EFNA5: variants seen among roughly 807,000 people sequenced by gnomAD.
EFNA5 encodes the protein ephrin-A5.
In EFNA5, 5 loss-of-function variants were observed where a neutral mutation model predicts 22.9. The observed-to-expected ratio is 0.22, with a 90% CI of 0.11 to 0.46. EFNA5 has a LOEUF of 0.46. Ranked by LOEUF, EFNA5 falls within the 20% of genes least tolerant of loss-of-function variation. The pLI, the probability that EFNA5 is intolerant of heterozygous loss-of-function variation, is 0.99. For synonymous variants in EFNA5, 113 were observed against 112.2 expected, an observed-to-expected ratio of 1.01 and a Z score of -0.04; for missense variants, 237 against 293.3, an observed-to-expected ratio of 0.81 and a Z score of 1.40.
In EFNA5 at chr5:107,515,362, TTTATTATTATTA is replaced by T. The variant is rs70996961; in HGVS notation, c.126-87865_126-87854del. ...TCAAGACATGGTTTTTATTTTTTAT[TTTATTATTATTA>T]TTATTATTATTATTATTATTATTGA... On this transcript the variant is annotated intron_variant, in intron 1 of 4. Transcript: ENST00000333274. Among the ~76,000 whole-genome samples, 158 of 141,310 alleles carry T rather than the reference TTTATTATTATTA, an allele frequency of 1.1e-3. 1 individual carries two copies. Among genetic ancestry groups the T allele is most frequent in the African/African-American group, 3.2e-3 (121 of 38,144 alleles). 92.7% of individuals were successfully genotyped at this position (141,310 alleles called of 152,430 possible). A position where few individuals can be genotyped will look rare whatever the true frequency, so the allele number is the denominator to read the frequency against.
At chr5:107,461,292 G>A (rs997689546) in intron 1 of EFNA5, among the ~76,000 whole-genome samples, 2 of 152,162 alleles carry the variant, frequency 1.3e-5, no homozygotes, top group Non-Finnish European at 2.9e-5. Flanking sequence ...GTTTTCAGAT[G>A]AAGCAAGGAC....
chr5:107,539,552 G>A (rs1398108922), intron 1 of EFNA5, among the ~76,000 whole-genome samples: 3 of 152,140 alleles, frequency 2.0e-5, no homozygotes, highest in Admixed American at 1.3e-4. Context: ...TCTGCCTCCC[G>A]GGTTCTAGCA....
At chr5:107,545,045 A>G (rs1748118671) in intron 1 of EFNA5, among the ~76,000 whole-genome samples, 1 of 152,236 alleles carries the variant, frequency 6.6e-6, no homozygotes, top group African/African-American at 2.4e-5. Flanking sequence ...AACCGACAAC[A>G]TCTAAAAGGT....
chr5:107,568,676 A>C (rs116097510), intron 1 of EFNA5, among the ~76,000 whole-genome samples: 242 of 152,366 alleles, frequency 1.6e-3, no homozygotes, highest in African/African-American at 5.5e-3. Flanking sequence ...ACATACAAAT[A>C]ATTGTGGAAC....
At chr5:107,400,280 A>T (rs1000599545) in intron 2 of EFNA5, among the ~76,000 whole-genome samples, 1 of 152,128 alleles carries the variant, frequency 6.6e-6, no homozygotes, top group African/African-American at 2.4e-5. Flanking sequence ...AGAAAGATTT[A>T]AAAAAATGTA....
At chr5:107,540,910 C>A (rs960442089) in intron 1 of EFNA5, among the ~76,000 whole-genome samples, 1 of 152,208 alleles carries the variant, frequency 6.6e-6, no homozygotes, top group South Asian at 2.1e-4. Context: ...AGTTCGAGAC[C>A]AGCCTGGCCA....
intron 1 of EFNA5, among the ~76,000 whole-genome samples, chr5:107,607,247 G>C (rs1749742675): frequency 6.6e-6 from 1 of 151,994 alleles, no homozygotes; most frequent in South Asian, 2.1e-4. Flanking sequence ...TGATACATTA[G>C]AATAGAAAAT....
At chr5:107,530,632 C>T (rs1353470899) in intron 1 of EFNA5, among the ~76,000 whole-genome samples, 2 of 152,190 alleles carry the variant, frequency 1.3e-5, no homozygotes, top group Non-Finnish European at 2.9e-5. Context: ...TTAACACAGG[C>T]ATCAAGGCAG....
chr5:107,455,960 A>G (rs1315922489), intron 1 of EFNA5, among the ~76,000 whole-genome samples: 2 of 152,186 alleles, frequency 1.3e-5, no homozygotes, highest in Non-Finnish European at 2.9e-5. Flanking sequence ...CCTGCAGGAA[A>G]ATGCCATCCA....
chr5:107,638,707 A>T (rs931273860), intron 1 of EFNA5, among the ~76,000 whole-genome samples: 2 of 152,204 alleles, frequency 1.3e-5, no homozygotes, highest in African/African-American at 4.8e-5. Context: ...GGACTTGACC[A>T]TCTGAGGACT....
At chr5:107,572,743 T>C (rs1224616365) in intron 1 of EFNA5, among the ~76,000 whole-genome samples, 1 of 152,218 alleles carries the variant, frequency 6.6e-6, no homozygotes, top group East Asian at 1.9e-4. Flanking sequence ...ACACATGTCT[T>C]CACACGGACA....
intron 1 of EFNA5, among the ~76,000 whole-genome samples, chr5:107,462,621 A>G (rs1749864206): frequency 6.6e-6 from 1 of 152,146 alleles, no homozygotes; most frequent in African/African-American, 2.4e-5. Flanking sequence ...AATCTCCCAG[A>G]GACTTTGTGA....
chr5:107,669,557 GA>G (rs1478951382), intron 1 of EFNA5, among the ~76,000 whole-genome samples: 1 of 151,952 alleles, frequency 6.6e-6, no homozygotes, highest in Non-Finnish European at 1.5e-5. Flanking sequence ...TCCAGGGTCC[GA>G]AAACACGGGA....
At chr5:107,512,362 C>T (rs1747388995) in intron 1 of EFNA5, among the ~76,000 whole-genome samples, 1 of 99,318 alleles carries the variant, frequency 1.0e-5, no homozygotes, top group African/African-American at 5.7e-5. Context: ...ACAAAACAAA[C>T]AAAACAACAA....
At chr5:107,391,170 A>G (rs1373968896) in intron 2 of EFNA5, among the ~76,000 whole-genome samples, 4 of 152,190 alleles carry the variant, frequency 2.6e-5, no homozygotes, top group Admixed American at 2.6e-4. Context: ...AAATAAATAA[A>G]TAAAATAAAA....
intron 1 of EFNA5, among the ~76,000 whole-genome samples, chr5:107,601,243 G>A (rs184021104): frequency 3.9e-5 from 6 of 152,296 alleles, no homozygotes; most frequent in South Asian, 2.1e-4. Context: ...TGTTTTGGCC[G>A]CATTGGCAAA....
intron 1 of EFNA5, among the ~76,000 whole-genome samples, chr5:107,585,005 T>C (rs560735946): frequency 7.4e-4 from 113 of 152,270 alleles, no homozygotes; most frequent in African/African-American, 2.6e-3. Context: ...AAATATTCCC[T>C]GGTCAGTAGG....
chr5:107,440,537 C>T (rs1444687376), intron 1 of EFNA5, among the ~76,000 whole-genome samples: 2 of 152,258 alleles, frequency 1.3e-5, no homozygotes, highest in Middle Eastern at 3.4e-3. Context: ...GACACAAAGA[C>T]GATGAAATAA....
At chr5:107,542,249 C>T (rs1020929495) in intron 1 of EFNA5, among the ~76,000 whole-genome samples, 3 of 152,140 alleles carry the variant, frequency 2.0e-5, no homozygotes, top group African/African-American at 7.2e-5. Flanking sequence ...AAATAAGAAA[C>T]AAGAGCCTCC....
Sources: gnomAD v4.1 joint callset for allele counts (sites outside exome capture counted in the v4.1 genomes callset) on GRCh38, gnomAD v4.1.1 for gene constraint, MANE v1.5 for transcripts, NCBI Gene and HGNC (gene_info 2026-07-23, HGNC 2026-07-21) for gene names.